Variants in INTS6 observed in about 807,000 individuals in gnomAD.
The protein encoded by INTS6 is integrator complex subunit 6, also known as DEAD box protein.
Under a neutral mutation model 104.9 loss-of-function variants are expected in INTS6, and 16 were observed. That is an observed-to-expected ratio of 0.15 (90% confidence interval 0.10 to 0.23). INTS6 has a LOEUF of 0.23. Among genes scored for constraint, INTS6 ranks in the 10% least tolerant of loss-of-function variants. The pLI is 1.00. For missense variants in INTS6, 584 were observed against 1,062.8 expected, an observed-to-expected ratio of 0.55 and a Z score of 6.26; for synonymous variants, 324 against 358.7, an observed-to-expected ratio of 0.90 and a Z score of 1.09.
At chr13:51,398,433 T>C (rs1279081355) in intron 4 of INTS6, among the ~76,000 whole-genome samples, 1 of 152,100 alleles carries the variant, frequency 6.6e-6, no homozygotes, top group Non-Finnish European at 1.5e-5. Flanking sequence ...AGGAAATCCA[T>C]ATGACCTATA....
intron 4 of INTS6, among the ~76,000 whole-genome samples, chr13:51,416,513 T>C (rs1385883948): frequency 2.6e-5 from 4 of 152,214 alleles, no homozygotes; most frequent in African/African-American, 9.6e-5. Context: ...GGCTTTCACT[T>C]AGTTTTCAAG....
At chr13:51,366,789 T>C (rs1593660379) in intron 17 of INTS6, among the ~76,000 whole-genome samples, 1 of 152,000 alleles carries the variant, frequency 6.6e-6, no homozygotes, top group African/African-American at 2.4e-5. Context: ...AAAACCAACT[T>C]TATCTAAAAT....
At chr13:51,345,592 C>CA in the INTS6 span, among the ~76,000 whole-genome samples, 8,243 of 35,516 alleles carry the variant, frequency 0.23, 1,352 homozygotes, top group Non-Finnish European at 0.35. Flanking sequence ...GATTTCATCT[C>CA]AAAAAAAAAA....
At chr13:51,374,568 T>G in intron 14 of INTS6, 86 bp downstream of exon 14, 1 of 1,542,002 alleles carries the variant, frequency 6.5e-7, no homozygotes, top group Non-Finnish European at 8.9e-7. Context: ...GGAAAATAGC[T>G]TCAGCTTACT....
Position 51,369,097 on chromosome 13 carries a change from T to C in INTS6, c.2318A>G (p.Asn773Ser), listed in dbSNP as rs1369587092. 6.2e-7 allele frequency: 1 copy of C among 1,613,850 alleles called. No homozygotes were observed. Among genetic ancestry groups the C allele is most frequent in the Admixed American group, 1.7e-5 (1 of 59,996 alleles). The change falls in exon 16 of 18, where the codon AAT (asparagine) becomes AGT (serine). Residue 773 changes from asparagine to serine, a missense_variant. By Grantham distance (46) the Asn-to-Ser change is conservative (BLOSUM62 1). Coordinates refer to ENST00000311234, the MANE Select transcript of INTS6 (RefSeq NM_012141.3). ...NDLTVGGFLE[N>S]HEEPRDKEQC... ...TTCTTTATCTCTTGGCTCCTCATGA[T>C]TTTCTAAAAATCCACCAACAGTGAG...
intron 3 of INTS6, chr13:51,449,626 A>G (rs1227761539): frequency 2.0e-6 from 2 of 985,230 alleles, no homozygotes; most frequent in Non-Finnish European, 1.2e-6. Context: ...GTAACCAAAT[A>G]ATGGCAAGTT....
At chr13:51,417,169 T>C (rs973663098) in intron 4 of INTS6, among the ~76,000 whole-genome samples, 2 of 152,238 alleles carry the variant, frequency 1.3e-5, no homozygotes, top group African/African-American at 2.4e-5. Flanking sequence ...ATTCTGTTAC[T>C]ATCTTTTCAC....
At chr13:51,381,778 T>C (rs1352352638) in intron 10 of INTS6, among the ~76,000 whole-genome samples, 8 of 151,646 alleles carry the variant, frequency 5.3e-5, no homozygotes, top group East Asian at 1.9e-4. Context: ...TCTTGGCTCA[T>C]TGCAACCTCT....
At chr13:51,342,322 C>T in the INTS6 span, among the ~76,000 whole-genome samples, 1 of 152,174 alleles carries the variant, frequency 6.6e-6, no homozygotes, top group Non-Finnish European at 1.5e-5. Flanking sequence ...GCCCCACCAC[C>T]TATACCTGGG....
chr13:51,338,348 C>A, the INTS6 span, among the ~76,000 whole-genome samples: 933 of 152,208 alleles, frequency 6.1e-3, 9 homozygotes, highest in African/African-American at 0.021. Context: ...AGAAGCTGAG[C>A]CCAGGTTACT....
intron 5 of INTS6, among the ~76,000 whole-genome samples, chr13:51,389,911 G>T (rs974346429): frequency 6.6e-6 from 1 of 151,916 alleles, no homozygotes; most frequent in Non-Finnish European, 1.5e-5. Flanking sequence ...CACATAGTAG[G>T]TATGTAATAA....
rs1953098649 is a variant in INTS6 at position 51,452,961 on chromosome 13, G to C, written c.-436C>G. ...CTGAGGGAAGATTGGCCCTGGGGCT[G>C]TTGGGAGAAGTTTCAGGGACTCCCT... On this transcript the variant is annotated 5_prime_UTR_variant, in exon 1 of 18. Transcript: ENST00000311234. This position sits in a 1 kb window ranked among gnomAD's most constrained non-coding sequence, Gnocchi z 4.2. 2 of 1,022,250 alleles carry C rather than the reference G, an allele frequency of 2.0e-6. No individual in the cohort carries two copies. The highest frequency in any genetic ancestry group is 3.5e-5 in the African/African-American group (2 of 57,428). 63.3% of individuals were successfully genotyped at this position (1,022,250 alleles called of 1,614,324 possible).
rs1953036966 is a variant in INTS6 at position 51,451,306 on chromosome 13, T to C, written c.190-132A>G. ...TGGCTTGGTTAACGTGTTAATACTGTACCGCTGCTGAGGAAACTCTCTTCC... is the reference window on the plus strand; with the variant it reads ...TGGCTTGGTTAACGTGTTAATACTGCACCGCTGCTGAGGAAACTCTCTTCC... On this transcript the variant is annotated intron_variant, in intron 2 of 17. Coordinates refer to ENST00000311234, the MANE Select transcript of INTS6 (RefSeq NM_012141.3). 4 of 558,164 alleles carry C rather than the reference T, an allele frequency of 7.2e-6. No homozygotes were observed. In the South Asian group the frequency reaches 2.1e-4, roughly 29 times the overall value. The allele number at this position is 558,164 out of a possible 1,614,324, so 34.6% of individuals were successfully genotyped here. A position where few individuals can be genotyped will look rare whatever the true frequency, so the allele number is the denominator to read the frequency against.
chr13:51,364,421 A>T lies in INTS6; in HGVS notation c.*1331T>A. On this transcript the variant is annotated 3_prime_UTR_variant, in exon 18 of 18. Coordinates refer to ENST00000311234, the MANE Select transcript of INTS6 (RefSeq NM_012141.3). Reference sequence around the variant, plus strand: ...TGATTTTCAATATTATAAACCTAAAAATACTTCAGTTTTTAAATGTTATAA... The same window carrying T: ...TGATTTTCAATATTATAAACCTAAATATACTTCAGTTTTTAAATGTTATAA... 6.2e-6 allele frequency: 3 copies of T among 486,158 alleles called. No homozygotes were observed. The highest frequency in any genetic ancestry group is 1.1e-5 in the Non-Finnish European group (3 of 280,308). 30.1% of individuals were successfully genotyped at this position (486,158 alleles called of 1,614,324 possible).
At chr13:51,383,872 A>G (rs1956093284) in intron 7 of INTS6, 131 bp from the exon 8 acceptor site, 4 of 617,358 alleles carry the variant, frequency 6.5e-6, no homozygotes, top group African/African-American at 5.6e-5. Flanking sequence ...TAAAAGCAAC[A>G]TTAAGCTGAA....
At chr13:51,387,983 T>C (rs74084835) in intron 6 of INTS6, among the ~76,000 whole-genome samples, 60 of 152,302 alleles carry the variant, frequency 3.9e-4, no homozygotes, top group African/African-American at 1.4e-3. Context: ...GAGTATTTCT[T>C]AGAAATCATT....
intron 7 of INTS6, among the ~76,000 whole-genome samples, chr13:51,385,885 T>G (rs1466679946): frequency 6.6e-6 from 1 of 152,130 alleles, no homozygotes; most frequent in Non-Finnish European, 1.5e-5. Context: ...TCATCTCCCC[T>G]TCTAATTTTA....
At chr13:51,423,277 T>C (rs965648310) in intron 4 of INTS6, among the ~76,000 whole-genome samples, 4 of 152,038 alleles carry the variant, frequency 2.6e-5, no homozygotes, top group African/African-American at 9.7e-5. Flanking sequence ...GAAAATTAAG[T>C]GTAACTATCA....
chr13:51,433,282 T>C (rs1311141204), intron 3 of INTS6, among the ~76,000 whole-genome samples: 1 of 152,104 alleles, frequency 6.6e-6, no homozygotes, highest in Non-Finnish European at 1.5e-5. Context: ...CTCGTCTCCA[T>C]GAAAAAATAC....
Sources: gnomAD v4.1 joint callset for allele counts (sites outside exome capture counted in the v4.1 genomes callset) on GRCh38, gnomAD v4.1.1 for gene constraint, Gnocchi (gnomAD v3.1) non-coding constraint, MANE v1.5 for transcripts, NCBI Gene and HGNC (gene_info 2026-07-23, HGNC 2026-07-21) for gene names.